PTPRG: variants seen among roughly 807,000 people sequenced by gnomAD.
The protein encoded by PTPRG is protein tyrosine phosphatase receptor type G, also known as receptor-type tyrosine-protein phosphatase gamma.
Under a neutral mutation model 165.3 loss-of-function variants are expected in PTPRG, and 102 were observed. The observed-to-expected ratio is 0.62, with a 90% CI of 0.53 to 0.73. The LOEUF (loss-of-function observed/expected upper bound fraction) is 0.73. Ranked by LOEUF, PTPRG falls within the 30% of genes least tolerant of loss-of-function variation. PTPRG has a pLI of 0.00. For missense variants in PTPRG, 1,866 were observed against 1,861.4 expected, an observed-to-expected ratio of 1.00 and a Z score of -0.05; for synonymous variants, 675 against 669.5, an observed-to-expected ratio of 1.01 and a Z score of -0.13.
rs61751185 is a variant in PTPRG, at chr3:62,124,581, T to C, written c.616-8021T>C. 6,077 of 1,295,514 alleles carry C rather than the reference T, an allele frequency of 4.7e-3. 174 individuals carry two copies. In the African/African-American group the frequency reaches 0.071, roughly 15 times the overall value. 80.3% of individuals were successfully genotyped at this position (1,295,514 alleles called of 1,614,324 possible). ...TGGTCCAACAGGCTGTTTTTCCTAATGGACCTCACGGGACTGAAGGCTTTC... is the reference window on the plus strand; with the variant it reads ...TGGTCCAACAGGCTGTTTTTCCTAACGGACCTCACGGGACTGAAGGCTTTC... On this transcript the variant is annotated intron_variant, in intron 5 of 29. Transcript: ENST00000474889.
At chr3:61,972,641 T>C (rs977675677) in intron 2 of PTPRG, among the ~76,000 whole-genome samples, 2 of 148,062 alleles carry the variant, frequency 1.4e-5, no homozygotes, top group African/African-American at 5.1e-5. Flanking sequence ...TTCGTTCTTT[T>C]TCTTTTTTTT....
chr3:61,992,584 A>G (rs2107699728), intron 3 of PTPRG, among the ~76,000 whole-genome samples: 1 of 151,354 alleles, frequency 6.6e-6, no homozygotes, highest in East Asian at 2.0e-4. Flanking sequence ...CATTGGTGCA[A>G]TCTCGGCTCA....
intron 4 of PTPRG, among the ~76,000 whole-genome samples, chr3:62,008,594 ATCTT>A (rs1456695868): frequency 6.6e-6 from 1 of 152,200 alleles, no homozygotes; most frequent in Non-Finnish European, 1.5e-5. Flanking sequence ...AGAATTCAGA[ATCTT>A]TCTTAGAAAG....
intron 1 of PTPRG, among the ~76,000 whole-genome samples, chr3:61,677,693 T>G (rs1703279840): frequency 6.6e-6 from 1 of 152,228 alleles, no homozygotes; most frequent in South Asian, 2.1e-4. Flanking sequence ...TTTCTGTTCT[T>G]ACTTTGATTT....
chr3:62,263,932 G>T (rs1701776873), intron 17 of PTPRG: 1 of 152,220 alleles, frequency 6.6e-6, no homozygotes, highest in South Asian at 2.1e-4. Flanking sequence ...CGGATCACGA[G>T]GTCAGGAGAT....
At chr3:62,089,944 A>G (rs1166848831) in intron 5 of PTPRG, among the ~76,000 whole-genome samples, 5 of 152,226 alleles carry the variant, frequency 3.3e-5, no homozygotes, top group Admixed American at 6.5e-5. Context: ...TAAAATTGCA[A>G]TGGGAGGAGT....
chr3:62,226,372 T>C (rs1700764768), intron 13 of PTPRG, among the ~76,000 whole-genome samples: 1 of 152,252 alleles, frequency 6.6e-6, no homozygotes, highest in Non-Finnish European at 1.5e-5. Context: ...TCCTTTGTTT[T>C]GGATTTGCCA....
At chr3:61,752,798 A>AG (rs2033489706) in intron 2 of PTPRG, among the ~76,000 whole-genome samples, 1 of 48,854 alleles carries the variant, frequency 2.0e-5, no homozygotes, top group Non-Finnish European at 5.4e-5. Context: ...AAAAAAAAAA[A>AG]AAAGAAAAAA....
intron 1 of PTPRG, among the ~76,000 whole-genome samples, chr3:61,718,851 A>G (rs1054184046): frequency 6.6e-6 from 1 of 152,162 alleles, no homozygotes. Flanking sequence ...GTTCAATGCT[A>G]TTGACTTCCC....
chr3:61,844,657 G>C (rs1164399562), intron 2 of PTPRG, among the ~76,000 whole-genome samples: 1 of 145,112 alleles, frequency 6.9e-6, no homozygotes, highest in Non-Finnish European at 1.5e-5. Flanking sequence ...GCCACATCTG[G>C]CTTTTTTTTT....
chr3:62,252,068 C>T lies in PTPRG; in HGVS notation c.2468-3056C>T, dbSNP rs1307730149. On this transcript the variant is annotated intron_variant, in intron 15 of 29. Coordinates refer to ENST00000474889, the MANE Select transcript of PTPRG (RefSeq NM_002841.4). This position sits in a 1 kb window ranked among gnomAD's most constrained non-coding sequence, Gnocchi z 4.6. ...TCATTTAATCTGTTGTCAGTGAAAACATCTTCACTTTGATTCCAGCCCCTT... is the reference window on the plus strand; with the variant it reads ...TCATTTAATCTGTTGTCAGTGAAAATATCTTCACTTTGATTCCAGCCCCTT... Among the ~76,000 whole-genome samples, 1 of 152,140 alleles carries T rather than the reference C, an allele frequency of 6.6e-6. No individual in the cohort carries two copies. Among genetic ancestry groups the T allele is most frequent in the African/African-American group, 2.4e-5 (1 of 41,430 alleles).
At chr3:62,133,232 C>A (rs1322652506) in intron 6 of PTPRG, among the ~76,000 whole-genome samples, 5 of 152,162 alleles carry the variant, frequency 3.3e-5, no homozygotes, top group Non-Finnish European at 7.3e-5. Context: ...GAAGAATTTC[C>A]CTGCAACTGT....
chr3:61,754,018 C>G (rs751353283), intron 2 of PTPRG, among the ~76,000 whole-genome samples: 2 of 152,102 alleles, frequency 1.3e-5, no homozygotes, highest in Non-Finnish European at 2.9e-5. Flanking sequence ...TTTCATTTTT[C>G]ACAATTTTAA....
intron 1 of PTPRG, among the ~76,000 whole-genome samples, chr3:61,701,041 T>G (rs767721263): frequency 6.6e-6 from 1 of 152,160 alleles, no homozygotes; most frequent in Non-Finnish European, 1.5e-5. Context: ...TCTGGAAACC[T>G]ATGCAGTGGG....
intron 2 of PTPRG, among the ~76,000 whole-genome samples, chr3:61,988,362 GCTGTTAC>G (rs2040809203): frequency 6.6e-6 from 1 of 152,146 alleles, no homozygotes; most frequent in South Asian, 2.1e-4. Context: ...TCTACTGTGA[GCTGTTAC>G]CAGTTTGGGG....
chr3:62,096,327 C>T (rs1323898255), intron 5 of PTPRG, among the ~76,000 whole-genome samples: 1 of 152,202 alleles, frequency 6.6e-6, no homozygotes, highest in Admixed American at 6.5e-5. Context: ...AGAAATGCTG[C>T]TCACTATCAG....
intron 25 of PTPRG, 143 bp from the exon 26 acceptor site, chr3:62,277,408 T>C: frequency 1.1e-6 from 1 of 920,008 alleles, no homozygotes. Context: ...CATCTAAAAA[T>C]TAGCCAAATG....
chr3:62,104,754 TAC>T (rs1421833395), intron 5 of PTPRG, among the ~76,000 whole-genome samples: 3 of 152,216 alleles, frequency 2.0e-5, no homozygotes, highest in Non-Finnish European at 4.4e-5. Flanking sequence ...CCATGTGCAT[TAC>T]TACTAGCGGG....
intron 1 of PTPRG, among the ~76,000 whole-genome samples, chr3:61,631,468 T>A (rs1701773729): frequency 1.3e-5 from 2 of 152,236 alleles, no homozygotes; most frequent in Non-Finnish European, 2.9e-5. Context: ...GTTAGTCTCT[T>A]ACTGTGCCTA....
Sources: gnomAD v4.1 joint callset for allele counts (sites outside exome capture counted in the v4.1 genomes callset) on GRCh38, gnomAD v4.1.1 for gene constraint, Gnocchi (gnomAD v3.1) non-coding constraint, MANE v1.5 for transcripts, NCBI Gene and HGNC (gene_info 2026-07-23, HGNC 2026-07-21) for gene names.